GOLPH3: variants seen among roughly 807,000 people sequenced by gnomAD.
GOLPH3 encodes the protein golgi phosphoprotein 3.
Under a neutral mutation model 28.5 loss-of-function variants are expected in GOLPH3, and 14 were observed. That is an observed-to-expected ratio of 0.49 (90% CI 0.32 to 0.77). GOLPH3 has a LOEUF of 0.77. GOLPH3 is among the 30% of genes least tolerant of loss of function. The probability of loss-of-function intolerance (pLI) is 0.03; values close to 1 mark genes in which losing one functional copy is unlikely to be tolerated. For missense variants in GOLPH3, 350 were observed against 393.7 expected (o/e 0.89, Z 0.94); for synonymous variants, 158 against 159.2 (o/e 0.99, Z 0.06).
chr5:32,159,376 T>G (rs1339656625), intron 1 of GOLPH3, among the ~76,000 whole-genome samples: 1 of 152,246 alleles, frequency 6.6e-6, no homozygotes, highest in Non-Finnish European at 1.5e-5. Flanking sequence ...TGAAACAAAG[T>G]GTGCCAGGTA....
chr5:32,146,965 C>A (rs1348816489), intron 1 of GOLPH3, among the ~76,000 whole-genome samples: 3 of 152,028 alleles, frequency 2.0e-5, no homozygotes, highest in Non-Finnish European at 4.4e-5. Context: ...TGTGCTGGAC[C>A]AGATTCAAAG....
intron 2 of GOLPH3, among the ~76,000 whole-genome samples, chr5:32,142,662 C>T (rs1485694912): frequency 4.2e-5 from 6 of 144,352 alleles, no homozygotes; most frequent in Admixed American, 6.8e-5. Flanking sequence ...GGGGTCAGCC[C>T]CCAAGCCCGG....
At chr5:32,135,494 T>C in intron 3 of GOLPH3, 78 bp downstream of exon 3, 2 of 867,138 alleles carry the variant, frequency 2.3e-6, no homozygotes, top group Admixed American at 2.0e-5. Flanking sequence ...CTATTTTGTG[T>C]AGGTTCCTTT....
intron 1 of GOLPH3, among the ~76,000 whole-genome samples, chr5:32,148,297 G>C (rs1409038348): frequency 6.6e-6 from 1 of 152,168 alleles, no homozygotes; most frequent in Non-Finnish European, 1.5e-5. Context: ...TGGCAAACCA[G>C]TTTGCAACCG....
intron 1 of GOLPH3, among the ~76,000 whole-genome samples, chr5:32,159,278 C>T (rs1746522958): frequency 6.6e-6 from 1 of 152,194 alleles, no homozygotes; most frequent in African/African-American, 2.4e-5. Context: ...GGACCTAAGT[C>T]TAAATACAAA....
intron 1 of GOLPH3, among the ~76,000 whole-genome samples, chr5:32,161,876 A>C (rs1746588438): frequency 6.6e-6 from 1 of 150,710 alleles, no homozygotes; most frequent in Admixed American, 6.6e-5. Flanking sequence ...AAATACAAAA[A>C]ATTAGCAGGG....
At chr5:32,141,972 A>G (rs1426264454) in intron 2 of GOLPH3, among the ~76,000 whole-genome samples, 2 of 152,102 alleles carry the variant, frequency 1.3e-5, no homozygotes, top group Non-Finnish European at 2.9e-5. Context: ...ACCTCCCAGC[A>G]GCCTGCCTTG....
intron 3 of GOLPH3, among the ~76,000 whole-genome samples, chr5:32,132,388 A>G (rs161542): frequency 0.014 from 2,098 of 152,266 alleles, 55 homozygotes; most frequent in African/African-American, 0.048. Flanking sequence ...CTGAACAAGT[A>G]TATTTCTTTC....
chr5:32,135,512 A>T (rs2111843229), intron 3 of GOLPH3, 60 bp downstream of exon 3: 1 of 1,048,362 alleles, frequency 9.5e-7, no homozygotes, highest in Non-Finnish European at 1.5e-6. Flanking sequence ...TTTCAAAAGG[A>T]TTTAAACTTC....
chr5:32,142,177 G>A (rs7730812), intron 2 of GOLPH3, among the ~76,000 whole-genome samples: 196 of 151,134 alleles, frequency 1.3e-3, no homozygotes, highest in Non-Finnish European at 2.2e-3. Context: ...CTTCCCGGCC[G>A]CCATCACATC....
chr5:32,154,532 T>C (rs1477112094), intron 1 of GOLPH3, among the ~76,000 whole-genome samples: 1 of 152,246 alleles, frequency 6.6e-6, no homozygotes, highest in African/African-American at 2.4e-5. Flanking sequence ...CTTTGGCTTG[T>C]GGCCTACAAT....
chr5:32,172,895 A>G (rs1000907978), intron 1 of GOLPH3, among the ~76,000 whole-genome samples: 9 of 152,270 alleles, frequency 5.9e-5, no homozygotes, highest in Admixed American at 6.5e-5. Flanking sequence ...GTAGGCAAAT[A>G]TAACAAATAC....
chr5:32,126,037 C>G lies in GOLPH3; in HGVS notation c.*175G>C, dbSNP rs1745670492. On this transcript the variant is annotated 3_prime_UTR_variant, in exon 4 of 4. Transcript: ENST00000265070. ...TTTTTAAAAACAGAAAGAGGAAGGC[C>G]TCTCGTACCAGCAGAATCCTGTACA... 5.1e-6 allele frequency: 3 copies of G among 591,804 alleles called. No homozygotes were observed. The highest frequency in any genetic ancestry group is 1.9e-5 in the African/African-American group (1 of 52,972). The allele number at this position is 591,804 out of a possible 1,614,324, so 36.7% of individuals were successfully genotyped here. A position where few individuals can be genotyped will look rare whatever the true frequency, so the allele number is the denominator to read the frequency against.
In GOLPH3 at chr5:32,126,055, C is replaced by A; in HGVS notation, c.*157G>T. The A allele has an allele frequency of 1.4e-6, 1 of 729,594 alleles. No homozygotes were observed. The highest frequency in any genetic ancestry group is 2.3e-6 in the Non-Finnish European group (1 of 440,362). The allele number at this position is 729,594 out of a possible 1,614,324, so 45.2% of individuals were successfully genotyped here. A position where few individuals can be genotyped will look rare whatever the true frequency, so the allele number is the denominator to read the frequency against. On this transcript the variant is annotated 3_prime_UTR_variant, in exon 4 of 4. Transcript: ENST00000265070. ...GGAAGGCCTCTCGTACCAGCAGAAT[C>A]CTGTACACGTACAAAAAAGAAAAAG...
chr5:32,153,032 T>C (rs868799590), intron 1 of GOLPH3, among the ~76,000 whole-genome samples: 34 of 152,312 alleles, frequency 2.2e-4, no homozygotes, highest in South Asian at 8.3e-4. Context: ...CATATGGTTA[T>C]TGTGATATTA....
intron 1 of GOLPH3, among the ~76,000 whole-genome samples, chr5:32,168,253 AG>A (rs1345418175): frequency 2.0e-5 from 3 of 152,198 alleles, no homozygotes; most frequent in African/African-American, 7.2e-5. Context: ...CCACACGTAT[AG>A]AAAGGAAAAC....
intron 2 of GOLPH3, among the ~76,000 whole-genome samples, chr5:32,142,511 G>C (rs1350695833): frequency 6.7e-6 from 1 of 148,466 alleles, no homozygotes; most frequent in Non-Finnish European, 1.5e-5. Context: ...CGCCCCGTCC[G>C]GGAGGTGAGG....
chr5:32,163,225 C>G (rs751428090), intron 1 of GOLPH3, among the ~76,000 whole-genome samples: 2 of 152,220 alleles, frequency 1.3e-5, no homozygotes, highest in Non-Finnish European at 2.9e-5. Context: ...TGATCCAAAG[C>G]ATCCTCCCTA....
chr5:32,172,914 G>A (rs1346309976), intron 1 of GOLPH3, among the ~76,000 whole-genome samples: 1 of 152,128 alleles, frequency 6.6e-6, no homozygotes, highest in African/African-American at 2.4e-5. Flanking sequence ...ACAGCAAAAC[G>A]TCATAGAATC....
Sources: gnomAD v4.1 joint callset for allele counts (sites outside exome capture counted in the v4.1 genomes callset) on GRCh38, gnomAD v4.1.1 for gene constraint, MANE v1.5 for transcripts, NCBI Gene and HGNC (gene_info 2026-07-23, HGNC 2026-07-21) for gene names.